HACL1: variants seen among roughly 807,000 people sequenced by gnomAD.
HACL1 encodes the protein 1600020H07Rik.
HACL1 carries 64 observed loss-of-function variants against 74.2 expected under a neutral mutation model. The observed-to-expected ratio is 0.86, with a 90% CI of 0.70 to 1.06. HACL1 has a LOEUF of 1.06. Among genes scored for constraint, HACL1 ranks in the 50% least tolerant of loss-of-function variants. The pLI is 0.00. For synonymous variants in HACL1, 230 were observed against 238.8 expected, an observed-to-expected ratio of 0.96 and a Z score of 0.34; for missense variants, 728 against 719.7, an observed-to-expected ratio of 1.01 and a Z score of -0.13.
intron 13 of HACL1, among the ~76,000 whole-genome samples, 198 bp downstream of exon 13, chr3:15,568,234 T>C (rs919208017): frequency 6.6e-6 from 1 of 152,182 alleles, no homozygotes; most frequent in Non-Finnish European, 1.5e-5. Context: ...GAATACTAAG[T>C]AAACAATTAT....
chr3:15,591,744 G>A, intron 3 of HACL1, 64 bp from the exon 4 acceptor site: 1 of 1,035,378 alleles, frequency 9.7e-7, no homozygotes, highest in Non-Finnish European at 1.5e-6. Context: ...TAACACTTTA[G>A]TGTGAAACAT....
At chr3:15,579,809 TGATTCTTTCA>T (rs2063690700) in intron 9 of HACL1, 91 bp downstream of exon 9, 4 of 833,892 alleles carry the variant, frequency 4.8e-6, no homozygotes, top group Non-Finnish European at 7.5e-6. Flanking sequence ...TAAAATTCCA[TGATTCTTTCA>T]GAACTCCATC....
intron 7 of HACL1, among the ~76,000 whole-genome samples, chr3:15,584,457 G>A (rs1295388462): frequency 3.3e-5 from 5 of 152,008 alleles, no homozygotes; most frequent in African/African-American, 7.2e-5. Flanking sequence ...GCATGGTGGC[G>A]GGCGCCTGTA....
intron 12 of HACL1, among the ~76,000 whole-genome samples, chr3:15,570,074 T>C (rs1364267576): frequency 4.0e-5 from 6 of 151,144 alleles, no homozygotes; most frequent in South Asian, 2.1e-4. Flanking sequence ...CGGTGGCTCA[T>C]GCCTGTAATC....
At chr3:15,561,463 T>C (rs1177822377) in intron 16 of HACL1, among the ~76,000 whole-genome samples, 1 of 152,130 alleles carries the variant, frequency 6.6e-6, no homozygotes, top group African/African-American at 2.4e-5. Flanking sequence ...AATTTCAAAG[T>C]GATAAATGTA....
rs540366581 is a variant in HACL1, at chr3:15,565,252, A to G, written c.1410-594T>C. ...TGAGCTTTTCTGAATCTGGGTTTTC[A>G]TAAGTCTAGATGGTATATGAAGAAC... On this transcript the variant is annotated intron_variant, in intron 14 of 16. Coordinates refer to ENST00000321169, the MANE Select transcript of HACL1 (RefSeq NM_012260.4). 6.8e-4 allele frequency among the ~76,000 whole-genome samples: 103 copies of G among 152,242 alleles called. 1 individual carries two copies. In the South Asian group the frequency reaches 7.5e-3, roughly 11 times the overall value.
intron 3 of HACL1, among the ~76,000 whole-genome samples, chr3:15,592,156 A>G (rs1309316147): frequency 6.7e-6 from 1 of 150,158 alleles, no homozygotes; most frequent in African/African-American, 2.4e-5. Flanking sequence ...ATACATACGT[A>G]TATACGTATA....
At position 15,568,516 on chromosome 3, in the gene HACL1, G is replaced by C; in HGVS notation, c.1166C>G (p.Pro389Arg). 2 of 1,592,526 alleles carry C rather than the reference G, an allele frequency of 1.3e-6. No individual in the cohort carries two copies. Among genetic ancestry groups the C allele is most frequent in the Non-Finnish European group, 1.7e-6 (2 of 1,160,500 alleles). ...TTCACTTACCACGAAACAGTCTCTA[G>C]GTAGTTGTTCTTGAACATGGTAGAA... ...TVFYHVQEQLPRDCFVVSEGA... is the reference protein window; with the variant it reads ...TVFYHVQEQLRRDCFVVSEGA... The change falls in exon 13 of 17, where the codon CCT (proline) becomes CGT (arginine). Residue 389 changes from proline to arginine, a missense_variant. Transcript: ENST00000321169.
chr3:15,578,987 T>C (rs535412904), intron 9 of HACL1, among the ~76,000 whole-genome samples: 46 of 152,348 alleles, frequency 3.0e-4, no homozygotes, highest in African/African-American at 1.1e-3. Context: ...ACCCCTGAGC[T>C]GGACATGTGC....
In HACL1 at chr3:15,583,167, T is replaced by C. The variant is rs867339071; in HGVS notation, c.555-178A>G. ...TGTTTCATATATACACACATAAACA[T>C]GCATTTATTTTTCATGAACTATTTT... On this transcript the variant is annotated intron_variant, in intron 7 of 16. Coordinates refer to ENST00000321169, the MANE Select transcript of HACL1 (RefSeq NM_012260.4). 4.6e-5 allele frequency among the ~76,000 whole-genome samples: 7 copies of C among 152,350 alleles called. No homozygotes were observed. In the Middle Eastern group the frequency reaches 0.017, roughly 370 times the overall value.
rs2064068095 is a variant in HACL1, at chr3:15,596,486, C to T, written c.187-62G>A. ...GATCCTTATAGTACATTTATGACAGCAACTTACTATTAAATAATAGACAAG... is the reference window on the plus strand; with the variant it reads ...GATCCTTATAGTACATTTATGACAGTAACTTACTATTAAATAATAGACAAG... On this transcript the variant is annotated intron_variant, in intron 2 of 16. Coordinates refer to ENST00000321169, the MANE Select transcript of HACL1 (RefSeq NM_012260.4). 4.4e-6 allele frequency: 4 copies of T among 919,484 alleles called. No individual in the cohort carries two copies. The Admixed American group carries it at 5.2e-5, about 12-fold the overall frequency. 57.0% of individuals were successfully genotyped at this position (919,484 alleles called of 1,614,324 possible). A position where few individuals can be genotyped will look rare whatever the true frequency, so the allele number is the denominator to read the frequency against.
chr3:15,579,725 A>G (rs2063689892), intron 9 of HACL1, among the ~76,000 whole-genome samples, 185 bp downstream of exon 9: 1 of 152,208 alleles, frequency 6.6e-6, no homozygotes. Context: ...ACAGAGCAAC[A>G]ATAATTTGAA....
Position 15,564,599 on chromosome 3 carries a change from T to C in HACL1, c.1469A>G (p.Asp490Gly), listed in dbSNP as rs1211784355. The change falls in exon 15 of 17, where the codon GAT (aspartate) becomes GGT (glycine). Residue 490 changes from aspartate to glycine, a missense_variant. Transcript: ENST00000321169. ...VNNNGIYQGFDTDTWKEMLKF... is the reference protein window; with the variant it reads ...VNNNGIYQGFGTDTWKEMLKF... ...TAACATTTCTTTCCAAGTATCTGTA[T>C]CAAAACCTTGGTAAATTCCATTGTT... The C allele has an allele frequency of 6.3e-7, 1 of 1,581,434 alleles. No homozygotes were observed. The highest frequency in any genetic ancestry group is 1.1e-5 in the South Asian group (1 of 89,274).
rs1225361650 is a variant in HACL1 at position 15,592,479 on chromosome 3, CAT to C, written c.228-801_228-800del. Among the ~76,000 whole-genome samples the C allele has an allele frequency of 1.2e-3, 13 of 10,654 alleles. No individual in the cohort carries two copies. In the African/African-American group the frequency reaches 0.014, roughly 11 times the overall value. The allele number at this position is 10,654 out of a possible 152,430, so 7.0% of individuals were successfully genotyped here. On this transcript the variant is annotated intron_variant, in intron 3 of 16. Coordinates refer to ENST00000321169, the MANE Select transcript of HACL1 (RefSeq NM_012260.4). ...ACACGTATACATACACACACGTATA[CAT>C]ACACTTGTATACATATACACTTGTA...
intron 10 of HACL1, among the ~76,000 whole-genome samples, chr3:15,574,737 A>G (rs1195881125): frequency 3.3e-5 from 5 of 151,730 alleles, no homozygotes; most frequent in Non-Finnish European, 5.9e-5. Context: ...TTTCTAAACT[A>G]TTTGAAACTT....
intron 10 of HACL1, among the ~76,000 whole-genome samples, chr3:15,573,804 T>C (rs1682687377): frequency 6.6e-6 from 1 of 152,212 alleles, no homozygotes; most frequent in South Asian, 2.1e-4. Context: ...CGATTACTTC[T>C]CCATTTACTC....
intron 13 of HACL1, 108 bp downstream of exon 13, chr3:15,568,324 T>C (rs1309764137): frequency 2.7e-6 from 2 of 738,888 alleles, no homozygotes; most frequent in African/African-American, 1.8e-5. Flanking sequence ...TGTCCTTACA[T>C]ACTAAACATG....
At position 15,585,319 on chromosome 3, in the gene HACL1, AC is replaced by A; in HGVS notation, c.482del (p.Gly161ValfsTer15). On this transcript the variant is annotated frameshift_variant, in exon 7 of 17. Transcript: ENST00000321169. LOFTEE classifies it high-confidence loss of function. ...TGTCAACATAGCAAGCACCTGGACG[AC>A]CATAGATACTGCTTCTCACTGCCTA... ...IEKAVRSSIY[G>X]RPGACYVDIP... is the part of the protein sequence containing the mutation. 6.2e-7 allele frequency: 1 copy of A among 1,600,670 alleles called. No homozygotes were observed. Among genetic ancestry groups the A allele is most frequent in the Non-Finnish European group, 8.6e-7 (1 of 1,167,842 alleles).
chr3:15,599,138 ATCTC>A (rs1035554452), intron 2 of HACL1, among the ~76,000 whole-genome samples: 4 of 152,172 alleles, frequency 2.6e-5, no homozygotes, highest in African/African-American at 9.7e-5. Flanking sequence ...CACCCTGGAT[ATCTC>A]TCTATCACAG....
Sources: allele counts gnomAD v4.1 joint callset (sites outside exome capture counted in the v4.1 genomes callset), GRCh38; gene constraint gnomAD v4.1.1; transcripts MANE v1.5; gene names NCBI Gene and HGNC (gene_info 2026-07-23, HGNC 2026-07-21).